OR2L13: variants seen among roughly 807,000 people sequenced by gnomAD.
OR2L13 encodes olfactory receptor family 2 subfamily L member 13.
In OR2L13, 14 loss-of-function variants were observed where a neutral mutation model predicts 15.3. The observed-to-expected ratio is 0.91, with a 90% CI of 0.60 to 1.43. OR2L13 has a LOEUF of 1.43. Ranked by LOEUF, OR2L13 falls within the 40% of genes most tolerant of loss-of-function variation. The probability of loss-of-function intolerance (pLI) is 0.00; values close to 1 mark genes in which losing one functional copy is unlikely to be tolerated. For synonymous variants in OR2L13, 152 were observed against 142.9 expected (o/e 1.06, Z -0.45); for missense variants, 367 against 387.9 (o/e 0.95, Z 0.45).
the OR2L13 span, among the ~76,000 whole-genome samples, chr1:248,018,361 G>A: frequency 6.6e-6 from 1 of 152,082 alleles, no homozygotes; most frequent in Admixed American, 6.6e-5. Flanking sequence ...TGTTTGGAAT[G>A]TTGTGTTAGT....
the OR2L13 span, among the ~76,000 whole-genome samples, chr1:247,986,372 C>G: frequency 6.6e-6 from 1 of 152,160 alleles, no homozygotes; most frequent in Admixed American, 6.5e-5. Context: ...ATAGGGAATC[C>G]TTTCCCCATT....
At chr1:247,985,116 T>A in the OR2L13 span, among the ~76,000 whole-genome samples, 3 of 152,210 alleles carry the variant, frequency 2.0e-5, no homozygotes, top group Admixed American at 6.5e-5. Context: ...CTCTTTTTTT[T>A]AATACTTTAA....
chr1:247,998,817 A>G, the OR2L13 span, among the ~76,000 whole-genome samples: 1 of 152,264 alleles, frequency 6.6e-6, no homozygotes, highest in East Asian at 1.9e-4. Context: ...TTTACAATGT[A>G]TTAATTTTTT....
At chr1:248,071,652 A>G in the OR2L13 span, among the ~76,000 whole-genome samples, 1 of 152,038 alleles carries the variant, frequency 6.6e-6, no homozygotes, top group Admixed American at 6.5e-5. Context: ...CAAGGAAATA[A>G]AGGGTATTCA....
chr1:248,089,165 GC>G, the OR2L13 span, among the ~76,000 whole-genome samples: 1 of 152,074 alleles, frequency 6.6e-6, no homozygotes, highest in Non-Finnish European at 1.5e-5. Context: ...CTGGAACGAA[GC>G]ATGGAAATGA....
the OR2L13 span, among the ~76,000 whole-genome samples, chr1:248,080,532 G>C: frequency 6.6e-6 from 1 of 152,116 alleles, no homozygotes; most frequent in Non-Finnish European, 1.5e-5. Flanking sequence ...GCAGTGTTTG[G>C]TTTTCTGTTC....
At chr1:248,090,697 G>A (rs1312079049), upstream of OR2L13, among the ~76,000 whole-genome samples, 1 of 152,190 alleles carries the variant, frequency 6.6e-6, no homozygotes, top group Non-Finnish European at 1.5e-5. Flanking sequence ...TGATGGGCAT[G>A]TAGGTTGATT....
At chr1:248,012,454 T>C in the OR2L13 span, among the ~76,000 whole-genome samples, 1 of 152,144 alleles carries the variant, frequency 6.6e-6, no homozygotes, top group Non-Finnish European at 1.5e-5. Context: ...AAGTCTTTCT[T>C]TCATACAGAA....
the OR2L13 span, chr1:248,041,285 C>T: frequency 6.6e-6 from 1 of 152,032 alleles, no homozygotes; most frequent in Non-Finnish European, 1.5e-5. Flanking sequence ...ATAAATGGTG[C>T]TGGGAAAACT....
At chr1:248,059,338 G>A in the OR2L13 span, among the ~76,000 whole-genome samples, 111 of 152,212 alleles carry the variant, frequency 7.3e-4, 2 homozygotes, top group Middle Eastern at 3.4e-3. Flanking sequence ...ACCTCTACCC[G>A]GAAGTTTGTC....
At chr1:247,990,951 C>G in the OR2L13 span, 5 of 1,472,852 alleles carry the variant, frequency 3.4e-6, no homozygotes, top group Non-Finnish European at 4.8e-6. Context: ...ACCACATGCA[C>G]TCTGCAGAAG....
At chr1:248,084,065 G>T in the OR2L13 span, 1 of 1,611,020 alleles carries the variant, frequency 6.2e-7, no homozygotes. Context: ...CGGGGGCCTC[G>T]CAGAAGAAGT....
At chr1:248,069,728 C>A in the OR2L13 span, among the ~76,000 whole-genome samples, 1 of 152,062 alleles carries the variant, frequency 6.6e-6, no homozygotes, top group African/African-American at 2.4e-5. Flanking sequence ...TTCAGGAAAC[C>A]TATCTCATGT....
the OR2L13 span, among the ~76,000 whole-genome samples, chr1:247,958,625 C>T: frequency 1.3e-5 from 2 of 152,048 alleles, no homozygotes; most frequent in African/African-American, 2.4e-5. Context: ...TCTGGGTGCT[C>T]CTGTATTGGG....
the OR2L13 span, among the ~76,000 whole-genome samples, chr1:248,067,791 C>A: frequency 6.6e-6 from 1 of 152,214 alleles, no homozygotes; most frequent in Non-Finnish European, 1.5e-5. Flanking sequence ...CACTCCCACC[C>A]GAATACTGCG....
chr1:248,084,557 C>T, the OR2L13 span: 2 of 1,612,514 alleles, frequency 1.2e-6, no homozygotes, highest in Non-Finnish European at 1.7e-6. Flanking sequence ...TTAAAGAGTC[C>T]CAGGAGAATA....
chr1:247,988,548 G>A, the OR2L13 span, among the ~76,000 whole-genome samples: 1 of 152,104 alleles, frequency 6.6e-6, no homozygotes, highest in Non-Finnish European at 1.5e-5. Context: ...TGATGTTTAA[G>A]TGAGTGTACA....
At chr1:248,048,257 T>C in the OR2L13 span, among the ~76,000 whole-genome samples, 3 of 152,218 alleles carry the variant, frequency 2.0e-5, no homozygotes, top group Non-Finnish European at 4.4e-5. Flanking sequence ...CACTTTATAT[T>C]CTTTACTCCT....
At chr1:247,939,319 GCTT>G in the OR2L13 span, 2 of 152,126 alleles carry the variant, frequency 1.3e-5, no homozygotes, top group Non-Finnish European at 1.5e-5. Flanking sequence ...TATGATTTCT[GCTT>G]CTTCTGTCCA....
Sources: allele counts gnomAD v4.1 joint callset (sites outside exome capture counted in the v4.1 genomes callset), GRCh38; gene constraint gnomAD v4.1.1; transcripts MANE v1.5; gene names NCBI Gene and HGNC (gene_info 2026-07-23, HGNC 2026-07-21).